Variants in CAMSAP2 observed in about 807,000 individuals in gnomAD.
The protein encoded by CAMSAP2 is calmodulin regulated spectrin associated protein family member 2.
A neutral mutation model predicts 146.1 loss-of-function variants in CAMSAP2; 26 were observed. The observed-to-expected ratio is 0.18, with a 90% CI of 0.13 to 0.25. The LOEUF (loss-of-function observed/expected upper bound fraction) is 0.25. Among genes scored for constraint, CAMSAP2 ranks in the 10% least tolerant of loss-of-function variants. The pLI, the probability that CAMSAP2 is intolerant of heterozygous loss-of-function variation, is 1.00. For synonymous variants in CAMSAP2, 499 were observed against 596.6 expected (o/e 0.84, Z 2.38); for missense variants, 1,381 against 1,759.3 (o/e 0.78, Z 3.85).
At chr1:200,838,418 C>T (rs1667236030) in intron 6 of CAMSAP2, among the ~76,000 whole-genome samples, 1 of 152,104 alleles carries the variant, frequency 6.6e-6, no homozygotes, top group Non-Finnish European at 1.5e-5. Context: ...TCACAATAAT[C>T]TTACTAATCA....
chr1:200,857,550 A>C lies in CAMSAP2; in HGVS notation c.4131+126A>C, dbSNP rs1356142259. On this transcript the variant is annotated intron_variant, in intron 16 of 16. Coordinates refer to ENST00000358823, the MANE Select transcript of CAMSAP2 (RefSeq NM_203459.4). This position sits in a 1 kb window ranked among gnomAD's most constrained non-coding sequence, Gnocchi z 4.7. ...AAAAAGATCTGTAGCTAGATGTTTTAATTATCAGATTTAGTTTATTTTCAC... is the reference window on the plus strand; with the variant it reads ...AAAAAGATCTGTAGCTAGATGTTTTCATTATCAGATTTAGTTTATTTTCAC... 1 of 803,452 alleles carries C rather than the reference A, an allele frequency of 1.2e-6. No individual in the cohort carries two copies. The highest frequency in any genetic ancestry group is 2.6e-5 in the East Asian group (1 of 37,984). The allele number at this position is 803,452 out of a possible 1,614,324, so 49.8% of individuals were successfully genotyped here. A position where few individuals can be genotyped will look rare whatever the true frequency, so the allele number is the denominator to read the frequency against.
intron 2 of CAMSAP2, among the ~76,000 whole-genome samples, chr1:200,777,445 T>C (rs926550050): frequency 7.9e-5 from 12 of 152,194 alleles, no homozygotes; most frequent in Non-Finnish European, 5.9e-5. Context: ...AGAAAGAATA[T>C]TGCATGTATC....
At chr1:200,834,620 A>G (rs1388343995) in intron 6 of CAMSAP2, among the ~76,000 whole-genome samples, 1 of 152,218 alleles carries the variant, frequency 6.6e-6, no homozygotes, top group East Asian at 1.9e-4. Flanking sequence ...GAACTACAAT[A>G]TAAAAACTTC....
At chr1:200,801,196 G>A (rs1251316359) in intron 2 of CAMSAP2, among the ~76,000 whole-genome samples, 2 of 151,992 alleles carry the variant, frequency 1.3e-5, no homozygotes, top group Non-Finnish European at 2.9e-5. Context: ...CCCAGGAGGT[G>A]GAGGTTGCGG....
chr1:200,754,911 T>C (rs1295268306), intron 1 of CAMSAP2, among the ~76,000 whole-genome samples: 2 of 152,280 alleles, frequency 1.3e-5, no homozygotes, highest in East Asian at 3.9e-4. Flanking sequence ...ATTATTTATT[T>C]GTGTCAGGAT....
rs920803975 is a variant in CAMSAP2, at chr1:200,829,892, A to G, written c.646-2308A>G. 6.6e-5 allele frequency among the ~76,000 whole-genome samples: 10 copies of G among 152,260 alleles called. No homozygotes were observed. In the East Asian group the frequency reaches 1.9e-3, roughly 29 times the overall value. On this transcript the variant is annotated intron_variant, in intron 4 of 16. Coordinates refer to ENST00000358823, the MANE Select transcript of CAMSAP2 (RefSeq NM_203459.4). ...CAGTGAGCCATGATTGTGCCACTGC[A>G]CTCCAGCCTGGGTAACAGAGTGAGA...
At chr1:200,788,412 T>C (rs1014245228) in intron 2 of CAMSAP2, among the ~76,000 whole-genome samples, 3 of 152,154 alleles carry the variant, frequency 2.0e-5, no homozygotes, top group Non-Finnish European at 2.9e-5. Context: ...GTGTGATTGC[T>C]GGATCATAGA....
chr1:200,789,512 C>T (rs931905278), intron 2 of CAMSAP2, among the ~76,000 whole-genome samples: 2 of 152,080 alleles, frequency 1.3e-5, no homozygotes, highest in Admixed American at 1.3e-4. Flanking sequence ...ATATTCTGTT[C>T]CGGTGATCTA....
intron 1 of CAMSAP2, among the ~76,000 whole-genome samples, chr1:200,750,626 TC>T (rs1014107723): frequency 1.0e-5 from 1 of 100,464 alleles, no homozygotes; most frequent in Non-Finnish European, 2.0e-5. Context: ...GATAGATACA[TC>T]TTTTTTTTTT....
chr1:200,860,240 T>A lies in CAMSAP2; in HGVS notation c.*2181T>A, dbSNP rs1211935389. On this transcript the variant is annotated 3_prime_UTR_variant, in exon 17 of 17. Transcript: ENST00000358823. ...ATGGTGCAGCTTTTTTTTAATTATG[T>A]TTTTAAAATTATACAGTTGAAAAAT... 3 of 152,690 alleles carry A rather than the reference T, an allele frequency of 2.0e-5. No individual in the cohort carries two copies. Among genetic ancestry groups the A allele is most frequent in the Non-Finnish European group, 4.4e-5 (3 of 68,012 alleles). The allele number at this position is 152,690 out of a possible 1,614,324, so 9.5% of individuals were successfully genotyped here. A position where few individuals can be genotyped will look rare whatever the true frequency, so the allele number is the denominator to read the frequency against.
intron 4 of CAMSAP2, among the ~76,000 whole-genome samples, chr1:200,821,168 GCTT>G (rs78243257): frequency 4.7e-5 from 7 of 149,988 alleles, no homozygotes; most frequent in Non-Finnish European, 5.9e-5. Context: ...TATGTAGCCT[GCTT>G]CTTCTTCTTC....
At chr1:200,842,164 A>G (rs557815577) in intron 7 of CAMSAP2, 77 bp downstream of exon 7, 5 of 1,043,940 alleles carry the variant, frequency 4.8e-6, no homozygotes, top group East Asian at 2.4e-5. Flanking sequence ...ACCTGGTTAC[A>G]TTTTTAGAAA....
At chr1:200,825,577 G>T (rs1296016863) in intron 4 of CAMSAP2, among the ~76,000 whole-genome samples, 1 of 151,224 alleles carries the variant, frequency 6.6e-6, no homozygotes, top group African/African-American at 2.4e-5. Flanking sequence ...TGCGATCTCG[G>T]CTCACTGCAA....
In CAMSAP2 at chr1:200,832,958, G is replaced by C; in HGVS notation, c.927+113G>C. 1.1e-6 allele frequency: 1 copy of C among 876,280 alleles called. No individual in the cohort carries two copies. Among genetic ancestry groups the C allele is most frequent in the Non-Finnish European group, 1.6e-6 (1 of 621,928 alleles). The allele number at this position is 876,280 out of a possible 1,614,324, so 54.3% of individuals were successfully genotyped here. ...TGCCTGTAATCCCAGTACTTTGGGA[G>C]GACAAGGTGGGAGGATTGCTTAAGC... On this transcript the variant is annotated intron_variant, in intron 6 of 16. Transcript: ENST00000358823. The surrounding 1 kb of genome is among the most constrained non-coding windows in gnomAD (Gnocchi z 4.2).
At chr1:200,780,109 G>T (rs1665392093) in intron 2 of CAMSAP2, among the ~76,000 whole-genome samples, 1 of 152,074 alleles carries the variant, frequency 6.6e-6, no homozygotes, top group Non-Finnish European at 1.5e-5. Context: ...AAAACGCAAG[G>T]AAACTAGTTT....
chr1:200,843,027 A>G (rs1667366747), intron 7 of CAMSAP2, among the ~76,000 whole-genome samples: 1 of 152,068 alleles, frequency 6.6e-6, no homozygotes, highest in South Asian at 2.1e-4. Flanking sequence ...ATAGGGGGAA[A>G]AATGATCTTA....
intron 2 of CAMSAP2, among the ~76,000 whole-genome samples, chr1:200,769,679 G>A (rs146505762): frequency 6.6e-6 from 1 of 152,346 alleles, no homozygotes; most frequent in African/African-American, 2.4e-5. Context: ...AAGGGATATT[G>A]CAAAGGATAC....
At chr1:200,821,303 C>T (rs1448815847) in intron 4 of CAMSAP2, among the ~76,000 whole-genome samples, 3 of 151,980 alleles carry the variant, frequency 2.0e-5, no homozygotes, top group African/African-American at 4.8e-5. Context: ...CCACCTCAGC[C>T]TCCCAACTAC....
At chr1:200,834,057 G>A (rs1364875521) in intron 6 of CAMSAP2, among the ~76,000 whole-genome samples, 1 of 152,090 alleles carries the variant, frequency 6.6e-6, no homozygotes, top group Non-Finnish European at 1.5e-5. Flanking sequence ...TTACATTGAT[G>A]TTAAATGTTA....
Sources: gnomAD v4.1 joint callset for allele counts (sites outside exome capture counted in the v4.1 genomes callset) on GRCh38, gnomAD v4.1.1 for gene constraint, Gnocchi (gnomAD v3.1) non-coding constraint, MANE v1.5 for transcripts, NCBI Gene and HGNC (gene_info 2026-07-23, HGNC 2026-07-21) for gene names.